Variants in JADE1 observed in about 807,000 individuals in gnomAD.
JADE1 encodes the protein jade family PHD finger 1.
JADE1 carries 14 observed loss-of-function variants against 81.8 expected under a neutral mutation model. The observed-to-expected ratio is 0.17, with a 90% confidence interval of 0.11 to 0.27. The LOEUF is 0.27. Ranked by LOEUF, JADE1 falls within the 10% of genes least tolerant of loss-of-function variation. The probability of loss-of-function intolerance (pLI) is 1.00; values close to 1 mark genes in which losing one functional copy is unlikely to be tolerated. For missense variants in JADE1, 690 were observed against 1,047.9 expected, an observed-to-expected ratio of 0.66 and a Z score of 4.71; for synonymous variants, 353 against 391.9, an observed-to-expected ratio of 0.90 and a Z score of 1.17.
At position 128,813,502 on chromosome 4, in the gene JADE1, T is replaced by C. The variant is rs550643499; in HGVS notation, c.-27+3625T>C. On this transcript the variant is annotated intron_variant, in intron 1 of 10. Transcript: ENST00000226319. ...GGCATGATCTTAGCTCACTGCAACC[T>C]CCGCCTCCTGGGTTCAAGCGATTCT... Among the ~76,000 whole-genome samples, 3 of 142,502 alleles carry C rather than the reference T, an allele frequency of 2.1e-5. No homozygotes were observed. The East Asian group carries it at 6.8e-4, about 32-fold the overall frequency. 93.5% of individuals were successfully genotyped at this position (142,502 alleles called of 152,430 possible). A position where few individuals can be genotyped will look rare whatever the true frequency, so the allele number is the denominator to read the frequency against.
chr4:128,831,186 T>C (rs890518569), intron 1 of JADE1, among the ~76,000 whole-genome samples: 3 of 152,234 alleles, frequency 2.0e-5, no homozygotes, highest in African/African-American at 7.2e-5. Context: ...GGGTTAGAGA[T>C]GGCTGGAGGA....
intron 1 of JADE1, among the ~76,000 whole-genome samples, chr4:128,810,853 A>G (rs534936411): frequency 2.6e-5 from 4 of 152,148 alleles, no homozygotes; most frequent in Admixed American, 2.0e-4. Flanking sequence ...CCCTTAATCG[A>G]TGAAATGGGG....
chr4:128,861,997 T>G lies in JADE1; in HGVS notation c.1275T>G (p.Asp425Glu), dbSNP rs1403458471. 6.2e-7 allele frequency: 1 copy of G among 1,613,532 alleles called. No homozygotes were observed. The highest frequency in any genetic ancestry group is 1.1e-5 in the South Asian group (1 of 91,056). Residue 425 changes from aspartate (D) to glutamate (E), a missense_variant, in exon 9 of 11, where the codon GAT becomes GAG. By Grantham distance (45) the Asp-to-Glu change is conservative. This residue lies in a region of JADE1 where 63 missense variants were observed against 138.4 expected (regional missense o/e 0.46). Transcript: ENST00000226319. ...VRKQKLQQLE[D>E]EFYTFVNLLD... is the part of the protein sequence containing the mutation. ...AGCAGAAGCTGCAGCAGTTGGAGGATGAGTTCTACACCTTCGTCAACCTGC... is the reference window on the plus strand; with the variant it reads ...AGCAGAAGCTGCAGCAGTTGGAGGAGGAGTTCTACACCTTCGTCAACCTGC...
intron 1 of JADE1, among the ~76,000 whole-genome samples, chr4:128,822,484 G>T (rs555721682): frequency 3.3e-5 from 5 of 152,036 alleles, no homozygotes; most frequent in African/African-American, 1.2e-4. Flanking sequence ...AGGCCGAGGC[G>T]GGTGGATCAC....
In JADE1 at chr4:128,849,082, G is replaced by C. The variant is rs1173292374; in HGVS notation, c.399G>C (p.Thr133=). 1 of 1,614,010 alleles carries C rather than the reference G, an allele frequency of 6.2e-7. No homozygotes were observed. Among genetic ancestry groups the C allele is most frequent in the Non-Finnish European group, 8.5e-7 (1 of 1,180,042 alleles). ...AGTTGGGCTATGTGGACATCCGGAC[G>C]CTGGCTGACAGCGTGTGTCGCTATG... ...PPELGYVDIR[T]LADSVCRYDL... Residue 133 remains threonine, a synonymous_variant, in exon 5 of 11, where the codon ACG becomes ACC. Transcript: ENST00000226319.
At chr4:128,826,865 G>A (rs1728125439) in intron 1 of JADE1, among the ~76,000 whole-genome samples, 1 of 152,102 alleles carries the variant, frequency 6.6e-6, no homozygotes, top group Non-Finnish European at 1.5e-5. Context: ...ACGCTCCTCC[G>A]GTCCTCCGCG....
chr4:128,859,800 C>T (rs1437546892), intron 8 of JADE1, among the ~76,000 whole-genome samples: 1 of 152,120 alleles, frequency 6.6e-6, no homozygotes, highest in Non-Finnish European at 1.5e-5. Context: ...TTTTTGTTGC[C>T]ATTGACCTCT....
chr4:128,828,859 C>T (rs553710007), intron 1 of JADE1, among the ~76,000 whole-genome samples: 69 of 152,160 alleles, frequency 4.5e-4, no homozygotes, highest in African/African-American at 1.3e-3. Flanking sequence ...TTGCCCACTC[C>T]GGTCTCAACT....
chr4:128,823,463 A>G (rs1727760787), intron 1 of JADE1, among the ~76,000 whole-genome samples: 1 of 152,214 alleles, frequency 6.6e-6, no homozygotes, highest in South Asian at 2.1e-4. Flanking sequence ...AAGAGTAAAT[A>G]TTATAGTTAT....
At chr4:128,866,768 G>C (rs938834452) in intron 9 of JADE1, among the ~76,000 whole-genome samples, 1 of 152,192 alleles carries the variant, frequency 6.6e-6, no homozygotes, top group Non-Finnish European at 1.5e-5. Context: ...GAAAGATGTG[G>C]TCAGATAAAG....
intron 1 of JADE1, chr4:128,831,465 T>C (rs539450351): frequency 4.5e-6 from 2 of 440,198 alleles, no homozygotes; most frequent in South Asian, 5.1e-5. Flanking sequence ...ATAGTAATAA[T>C]GTCACAGGAA....
At chr4:128,813,314 GT>G (rs1215521118) in intron 1 of JADE1, among the ~76,000 whole-genome samples, 1 of 150,618 alleles carries the variant, frequency 6.6e-6, no homozygotes, top group African/African-American at 2.4e-5. Context: ...TAAATGGGAT[GT>G]TTTGTGAGTA....
chr4:128,821,598 G>A (rs903425666), intron 1 of JADE1, among the ~76,000 whole-genome samples: 7 of 151,154 alleles, frequency 4.6e-5, no homozygotes, highest in African/African-American at 1.2e-4. Context: ...GGGTTCAAGC[G>A]ATTCTCCTGC....
At chr4:128,834,826 C>T (rs540647375) in intron 2 of JADE1, among the ~76,000 whole-genome samples, 19 of 152,072 alleles carry the variant, frequency 1.2e-4, no homozygotes, top group African/African-American at 2.4e-4. Flanking sequence ...TGAGCCACCA[C>T]GCCTGGCCAA....
At chr4:128,847,110 G>A (rs1729934920) in intron 4 of JADE1, among the ~76,000 whole-genome samples, 1 of 152,108 alleles carries the variant, frequency 6.6e-6, no homozygotes, top group African/African-American at 2.4e-5. Context: ...TATCTTTAAG[G>A]ATCCCTCAGG....
chr4:128,840,477 TG>T (rs1729337768), intron 2 of JADE1, among the ~76,000 whole-genome samples: 2 of 152,236 alleles, frequency 1.3e-5, no homozygotes, highest in South Asian at 4.1e-4. Flanking sequence ...CATCCCTTTT[TG>T]TTCTGCTTCT....
At chr4:128,859,011 G>T (rs1731046131) in intron 8 of JADE1, among the ~76,000 whole-genome samples, 1 of 152,170 alleles carries the variant, frequency 6.6e-6, no homozygotes, top group Non-Finnish European at 1.5e-5. Flanking sequence ...TGGAGGGTGG[G>T]TCATGAGACA....
intron 5 of JADE1, among the ~76,000 whole-genome samples, chr4:128,850,047 A>G (rs1244464215): frequency 1.3e-5 from 2 of 152,132 alleles, no homozygotes; most frequent in Non-Finnish European, 2.9e-5. Context: ...TAATCCCAGC[A>G]CTTTGGGAAG....
chr4:128,821,587 T>G (rs1346388772), intron 1 of JADE1, among the ~76,000 whole-genome samples: 1 of 151,132 alleles, frequency 6.6e-6, no homozygotes, highest in Admixed American at 6.6e-5. Context: ...CTCCGCCTCC[T>G]GGGTTCAAGC....
Sources: allele counts gnomAD v4.1 joint callset (sites outside exome capture counted in the v4.1 genomes callset), GRCh38; gene constraint gnomAD v4.1.1; regional missense constraint gnomAD v4.1.1; transcripts MANE v1.5; gene names NCBI Gene and HGNC (gene_info 2026-07-23, HGNC 2026-07-21).